The following SDK1 variants were observed in gnomAD, a reference collection of about 807,000 sequenced individuals.
SDK1 encodes the protein protein sidekick-1.
SDK1 carries 157 observed loss-of-function variants against 245.5 expected under a neutral mutation model. The ratio of observed to expected loss-of-function variants is 0.64; its 90% CI spans 0.56 to 0.73. The LOEUF (loss-of-function observed/expected upper bound fraction) is 0.73, where lower values mean the gene tolerates loss of function less well. Among genes scored for constraint, SDK1 ranks in the 30% least tolerant of loss-of-function variants. The pLI is 0.00. For missense variants in SDK1, 3,583 were observed against 3,002.3 expected (o/e 1.19, Z -4.52); for synonymous variants, 1,647 against 1,278.5 (o/e 1.29, Z -6.15).
chr7:3,833,270 G>A (rs78967813), intron 5 of SDK1, among the ~76,000 whole-genome samples: 142 of 152,244 alleles, frequency 9.3e-4, no homozygotes, highest in Admixed American at 3.5e-3. Flanking sequence ...GGCTGGCCCC[G>A]TGCGGTAGTT....
At chr7:3,513,536 A>G (rs931656800) in intron 1 of SDK1, among the ~76,000 whole-genome samples, 2 of 152,326 alleles carry the variant, frequency 1.3e-5, no homozygotes, top group Middle Eastern at 3.4e-3. Context: ...CCAACAGATG[A>G]AGGAATGGCA....
chr7:3,678,723 C>G (rs1282055560), intron 4 of SDK1, among the ~76,000 whole-genome samples: 1 of 152,148 alleles, frequency 6.6e-6, no homozygotes, highest in Non-Finnish European at 1.5e-5. Context: ...ATGCACAACA[C>G]TGTGAATGTA....
At chr7:4,203,053 G>A (rs1025193345) in intron 35 of SDK1, among the ~76,000 whole-genome samples, 5 of 152,202 alleles carry the variant, frequency 3.3e-5, no homozygotes, top group East Asian at 1.9e-4. Context: ...GAGGTTGGGC[G>A]AGGCGACAGA....
intron 16 of SDK1, among the ~76,000 whole-genome samples, chr7:4,014,851 A>T (rs1786268464): frequency 1.3e-5 from 2 of 152,158 alleles, no homozygotes; most frequent in African/African-American, 2.4e-5. Flanking sequence ...ACATCCTGTG[A>T]CTATCACAAA....
At chr7:3,804,504 T>G (rs1026132919) in intron 4 of SDK1, among the ~76,000 whole-genome samples, 1 of 152,226 alleles carries the variant, frequency 6.6e-6, no homozygotes, top group Non-Finnish European at 1.5e-5. Context: ...GTAGACTTAT[T>G]CCTCCCACTT....
chr7:3,350,402 A>G (rs995073338), intron 1 of SDK1, among the ~76,000 whole-genome samples: 2 of 152,192 alleles, frequency 1.3e-5, no homozygotes, highest in Admixed American at 6.5e-5. Flanking sequence ...TTGTGATTCC[A>G]AATTTACTCA....
chr7:3,431,997 A>G (rs1779860810), intron 1 of SDK1, among the ~76,000 whole-genome samples: 1 of 152,018 alleles, frequency 6.6e-6, no homozygotes, highest in East Asian at 1.9e-4. Flanking sequence ...CCAGTTTACA[A>G]AATATACCCG....
chr7:3,471,811 T>G (rs1401672866), intron 1 of SDK1, among the ~76,000 whole-genome samples: 1 of 152,216 alleles, frequency 6.6e-6, no homozygotes, highest in Non-Finnish European at 1.5e-5. Context: ...AAAAGTTGCC[T>G]GGTTATAGTA....
At chr7:3,927,598 G>A (rs563582427) in intron 5 of SDK1, among the ~76,000 whole-genome samples, 33 of 152,304 alleles carry the variant, frequency 2.2e-4, no homozygotes, top group African/African-American at 7.7e-4. Flanking sequence ...ATTTCAGAGG[G>A]TGATGGTCCA....
At chr7:3,903,357 A>G (rs763549797) in intron 5 of SDK1, among the ~76,000 whole-genome samples, 14 of 151,948 alleles carry the variant, frequency 9.2e-5, no homozygotes, top group Admixed American at 3.3e-4. Flanking sequence ...GTTAGCCAGG[A>G]TGGTCTCGAT....
intron 4 of SDK1, among the ~76,000 whole-genome samples, chr7:3,773,727 G>A (rs1280039601): frequency 6.6e-6 from 1 of 152,100 alleles, no homozygotes; most frequent in African/African-American, 2.4e-5. Context: ...GTTGTTGTAG[G>A]CTGTTTCTGT....
At chr7:4,048,930 G>A (rs6961232) in intron 17 of SDK1, among the ~76,000 whole-genome samples, 35,980 of 151,848 alleles carry the variant, frequency 0.24, 5,891 homozygotes, top group African/African-American at 0.48. Flanking sequence ...CCCACCCCCC[G>A]CCTCAATGTA....
intron 1 of SDK1, among the ~76,000 whole-genome samples, chr7:3,519,696 T>C (rs1038520239): frequency 4.6e-5 from 7 of 152,132 alleles, no homozygotes; most frequent in East Asian, 3.8e-4. Flanking sequence ...ATAAAAAATA[T>C]GTAGAGGATT....
In SDK1 at chr7:3,642,094, A is replaced by G. The variant is rs1207720338; in HGVS notation, c.702A>G (p.Pro234=). 6.2e-7 allele frequency: 1 copy of G among 1,613,838 alleles called. No individual in the cohort carries two copies. The highest frequency in any genetic ancestry group is 1.7e-5 in the Admixed American group (1 of 59,950). Residue 234 remains proline (P), a synonymous_variant, in exon 4 of 45, where the codon CCA becomes CCG. Transcript: ENST00000404826. ...TTAGAGAAGGGCACAAGATTATTCC[A>G]AGCAACAGAATGTAAGTTGCTCCAA... ...TWFREGHKII[P]SNRIAITLEN...
chr7:3,958,293 T>A (rs950566507), intron 7 of SDK1: 3 of 282,020 alleles, frequency 1.1e-5, no homozygotes, highest in African/African-American at 7.0e-5. Flanking sequence ...TGCAATTGGC[T>A]CTCCAAGGAA....
chr7:3,434,791 T>C (rs1388390396), intron 1 of SDK1, among the ~76,000 whole-genome samples: 3 of 151,666 alleles, frequency 2.0e-5, no homozygotes, highest in African/African-American at 7.3e-5. Context: ...CTGCAGGGAG[T>C]GTAGATAGAA....
intron 1 of SDK1, among the ~76,000 whole-genome samples, chr7:3,532,157 T>C (rs539701837): frequency 6.6e-6 from 1 of 152,346 alleles, no homozygotes; most frequent in East Asian, 1.9e-4. Context: ...ATCTGTTTTC[T>C]GGCTCAGGAC....
In SDK1 at chr7:3,974,500, T is replaced by A; in HGVS notation, c.1949T>A (p.Val650Asp). Reference protein sequence around the residue: ...GDIGDYSCEIVSEGGNDSRMA... With the variant: ...GDIGDYSCEIDSEGGNDSRMA... ...ATCGGTGACTACAGCTGCGAGATTGTTTCTGAAGGAGGGAATGACTCCAGG... is the reference window on the plus strand; with the variant it reads ...ATCGGTGACTACAGCTGCGAGATTGATTCTGAAGGAGGGAATGACTCCAGG... The change falls in exon 13 of 45, where the codon GTT becomes GAT. Residue 650 changes from valine (V) to aspartate (D), a missense_variant. Physicochemically the swap from Val to Asp is radical, Grantham distance 152. Coordinates refer to ENST00000404826, the MANE Select transcript of SDK1 (RefSeq NM_152744.4). 1 of 1,614,118 alleles carries A rather than the reference T, an allele frequency of 6.2e-7. No homozygotes were observed. The highest frequency in any genetic ancestry group is 8.5e-7 in the Non-Finnish European group (1 of 1,180,030).
At chr7:3,501,040 A>G (rs1011885849) in intron 1 of SDK1, among the ~76,000 whole-genome samples, 1 of 152,064 alleles carries the variant, frequency 6.6e-6, no homozygotes, top group African/African-American at 2.4e-5. Context: ...TTTGATTTCT[A>G]ACTTCTCTGT....
Sources: gnomAD v4.1 joint callset for allele counts (sites outside exome capture counted in the v4.1 genomes callset) on GRCh38, gnomAD v4.1.1 for gene constraint, MANE v1.5 for transcripts, NCBI Gene and HGNC (gene_info 2026-07-23, HGNC 2026-07-21) for gene names.